TPST1: variants seen among roughly 807,000 people sequenced by gnomAD.
TPST1 encodes the protein tyrosylprotein sulfotransferase 1, also known as protein-tyrosine sulfotransferase 1.
A neutral mutation model predicts 34.8 loss-of-function variants in TPST1; 20 were observed. The ratio of observed to expected loss-of-function variants is 0.57; its 90% confidence interval spans 0.40 to 0.84. TPST1 has a LOEUF of 0.84. TPST1 is among the 40% of genes least tolerant of loss of function. The pLI is 0.00. For missense variants in TPST1, 353 were observed against 455.5 expected, an observed-to-expected ratio of 0.78 and a Z score of 2.05; for synonymous variants, 152 against 159.4, an observed-to-expected ratio of 0.95 and a Z score of 0.35.
chr7:66,267,841 G>A (rs974306849), intron 2 of TPST1, among the ~76,000 whole-genome samples: 12 of 152,150 alleles, frequency 7.9e-5, no homozygotes, highest in African/African-American at 2.4e-4. Flanking sequence ...ATTGGGGGAG[G>A]GGGTGTGGCA....
intron 2 of TPST1, among the ~76,000 whole-genome samples, chr7:66,257,306 C>T (rs761987724): frequency 3.2e-4 from 48 of 152,266 alleles, no homozygotes; most frequent in Non-Finnish European, 4.9e-4. Context: ...ACAAGTTATC[C>T]TCCCTTCCCT....
intron 4 of TPST1, 28 bp from the exon 5 acceptor site, chr7:66,356,797 T>G: frequency 6.2e-7 from 1 of 1,614,100 alleles, no homozygotes. Context: ...TTCAAGGACA[T>G]TAAAACATCT....
chr7:66,243,912 G>A (rs1008658946), intron 2 of TPST1, among the ~76,000 whole-genome samples: 6 of 146,618 alleles, frequency 4.1e-5, no homozygotes, highest in East Asian at 2.0e-4. Context: ...TGTGCTTTTC[G>A]TTTTATTTAA....
chr7:66,324,227 G>T (rs185012703), intron 3 of TPST1, among the ~76,000 whole-genome samples: 16 of 152,284 alleles, frequency 1.1e-4, no homozygotes, highest in African/African-American at 3.6e-4. Flanking sequence ...AAAGTAGAAT[G>T]GAGGTTATCA....
At chr7:66,199,103 C>CT in the TPST1 span, among the ~76,000 whole-genome samples, 1 of 152,144 alleles carries the variant, frequency 6.6e-6, no homozygotes, top group African/African-American at 2.4e-5. Flanking sequence ...TGGCAGGACC[C>CT]TGAGTGACCC....
chr7:66,261,459 G>C (rs1397922746), intron 2 of TPST1, among the ~76,000 whole-genome samples: 1 of 151,904 alleles, frequency 6.6e-6, no homozygotes, highest in Non-Finnish European at 1.5e-5. Flanking sequence ...GTTTTGTTCA[G>C]TAACAATCAT....
chr7:66,316,843 G>A (rs1239199027), intron 3 of TPST1, among the ~76,000 whole-genome samples: 1 of 152,138 alleles, frequency 6.6e-6, no homozygotes, highest in Non-Finnish European at 1.5e-5. Flanking sequence ...GATACCACGT[G>A]TTCTCACTTA....
intron 3 of TPST1, among the ~76,000 whole-genome samples, chr7:66,296,340 T>G (rs999643202): frequency 6.7e-6 from 1 of 148,450 alleles, no homozygotes; most frequent in Admixed American, 6.8e-5. Flanking sequence ...GTGGTGTTTT[T>G]GGGCCTTTTG....
At chr7:66,219,176 G>C (rs1789489524) in intron 1 of TPST1, among the ~76,000 whole-genome samples, 1 of 151,732 alleles carries the variant, frequency 6.6e-6, no homozygotes, top group African/African-American at 2.4e-5. Context: ...GGGATTACAG[G>C]CATGAGCCAC....
intron 2 of TPST1, among the ~76,000 whole-genome samples, chr7:66,273,479 T>G (rs1241134913): frequency 2.0e-5 from 3 of 152,120 alleles, no homozygotes; most frequent in East Asian, 3.9e-4. Context: ...GCAATCTTGA[T>G]AGAAAAGAAC....
intron 1 of TPST1, among the ~76,000 whole-genome samples, chr7:66,212,456 CTTTTTTCTTT>C (rs1789283007): frequency 3.7e-5 from 1 of 27,062 alleles, no homozygotes. Flanking sequence ...ATTTTCTTTT[CTTTTTTCTTT>C]TTTTTTTTTT....
upstream of TPST1, among the ~76,000 whole-genome samples, chr7:66,204,981 TTGG>T (rs1789091322): frequency 6.6e-6 from 1 of 152,206 alleles, no homozygotes; most frequent in Admixed American, 6.5e-5. Context: ...GACACCCACG[TTGG>T]GGGTGGGGGC....
intron 2 of TPST1, among the ~76,000 whole-genome samples, chr7:66,262,709 C>T (rs189108979): frequency 6.1e-4 from 93 of 152,252 alleles, no homozygotes; most frequent in Admixed American, 2.2e-3. Context: ...TCCATTTCCT[C>T]TTCCACTTTC....
intron 2 of TPST1, among the ~76,000 whole-genome samples, chr7:66,273,638 G>A (rs187937785): frequency 1.4e-4 from 22 of 152,256 alleles, no homozygotes; most frequent in African/African-American, 5.3e-4. Context: ...TTTATGGTCA[G>A]TTGATCTTAA....
intron 2 of TPST1, among the ~76,000 whole-genome samples, chr7:66,244,964 C>A (rs945770068): frequency 6.6e-6 from 1 of 152,068 alleles, no homozygotes; most frequent in African/African-American, 2.4e-5. Context: ...AAAACTGACA[C>A]CCTACAGCTT....
chr7:66,233,652 G>A (rs558459450), intron 1 of TPST1, among the ~76,000 whole-genome samples: 34 of 152,268 alleles, frequency 2.2e-4, no homozygotes, highest in African/African-American at 6.7e-4. Context: ...TTTTAAGATT[G>A]TTTTGGCTAG....
intron 3 of TPST1, among the ~76,000 whole-genome samples, chr7:66,307,300 A>G (rs1456365763): frequency 6.6e-6 from 1 of 151,796 alleles, no homozygotes; most frequent in Non-Finnish European, 1.5e-5. Flanking sequence ...TTGTATTTTT[A>G]GTAGAGACGG....
chr7:66,327,980 G>GT (rs1030094934), intron 3 of TPST1, among the ~76,000 whole-genome samples: 50 of 48,728 alleles, frequency 1.0e-3, no homozygotes, highest in Middle Eastern at 0.013. Flanking sequence ...TGTTTTTGGT[G>GT]TTTTTTTTTC....
chr7:66,244,073 T>C (rs990694297), intron 2 of TPST1, among the ~76,000 whole-genome samples: 1 of 151,216 alleles, frequency 6.6e-6, no homozygotes, highest in Non-Finnish European at 1.5e-5. Context: ...CTCAGCCTCC[T>C]GAGTAGGTGG....
Sources: allele counts gnomAD v4.1 joint callset (sites outside exome capture counted in the v4.1 genomes callset), GRCh38; gene constraint gnomAD v4.1.1; transcripts MANE v1.5; gene names NCBI Gene and HGNC (gene_info 2026-07-23, HGNC 2026-07-21).